KIF17: variants seen among roughly 807,000 people sequenced by gnomAD.
KIF17 encodes the protein kinesin family member 17.
KIF17 carries 80 observed loss-of-function variants against 96.8 expected under a neutral mutation model. That is an observed-to-expected ratio of 0.83 (90% CI 0.69 to 1.00). The LOEUF is 1.00. Ranked by LOEUF, KIF17 falls within the 50% of genes least tolerant of loss-of-function variation. KIF17 has a pLI of 0.00. For synonymous variants in KIF17, 567 were observed against 587.5 expected, an observed-to-expected ratio of 0.97 and a Z score of 0.51; for missense variants, 1,280 against 1,372.9, an observed-to-expected ratio of 0.93 and a Z score of 1.07.
intron 7 of KIF17, among the ~76,000 whole-genome samples, chr1:20,689,701 A>G (rs1010221751): frequency 1.3e-5 from 2 of 152,194 alleles, no homozygotes; most frequent in African/African-American, 2.4e-5. Context: ...ACCTCCAGAT[A>G]GGTAAACAGC....
chr1:20,692,352 T>TTC (rs1208370243), intron 6 of KIF17, among the ~76,000 whole-genome samples: 2 of 151,786 alleles, frequency 1.3e-5, no homozygotes, highest in Admixed American at 1.3e-4. Flanking sequence ...TTTTTTTTTT[T>TTC]CCTCTGGAGA....
At position 20,704,660 on chromosome 1, in the gene KIF17, T is replaced by C; in HGVS notation, c.910A>G (p.Thr304Ala). 1.2e-6 allele frequency: 2 copies of C among 1,614,114 alleles called. No individual in the cohort carries two copies. The highest frequency in any genetic ancestry group is 1.7e-5 in the Admixed American group (1 of 60,026). ...RLLQDSLGGN[T>A]KTLMVACLSP... ...AGGCAGGCCACCATGAGCGTCTTGGTGTTGCCGCCCAGTGAGTCCTGCAGC... is the reference window on the plus strand; with the variant it reads ...AGGCAGGCCACCATGAGCGTCTTGGCGTTGCCGCCCAGTGAGTCCTGCAGC... The change falls in exon 5 of 15, where the codon ACC becomes GCC. Residue 304 changes from threonine to alanine, a missense_variant. Physicochemically the swap from Thr to Ala is moderately conservative, Grantham distance 58. Coordinates refer to ENST00000400463, the MANE Select transcript of KIF17 (RefSeq NM_001122819.3). The surrounding 1 kb of genome is among the most constrained non-coding windows in gnomAD (Gnocchi z 6.8).
chr1:20,694,484 T>C (rs550630632), intron 6 of KIF17, among the ~76,000 whole-genome samples: 1 of 152,308 alleles, frequency 6.6e-6, no homozygotes, highest in East Asian at 1.9e-4. Flanking sequence ...GAATTAAAGA[T>C]AGTCTGGGAT....
At position 20,686,136 on chromosome 1, in the gene KIF17, A is replaced by G. The variant is rs2053934854; in HGVS notation, c.1939-10T>C. 3 of 1,562,370 alleles carry G rather than the reference A, an allele frequency of 1.9e-6. No homozygotes were observed. The highest frequency in any genetic ancestry group is 2.6e-6 in the Non-Finnish European group (3 of 1,152,682). ...CTGTCGGCGCAGGGACCTGGGAGGAAAGAGGGGATGGAGGAGAAAGAAGGC... is the reference window on the plus strand; with the variant it reads ...CTGTCGGCGCAGGGACCTGGGAGGAGAGAGGGGATGGAGGAGAAAGAAGGC... On this transcript the variant is annotated splice_polypyrimidine_tract_variant and intron_variant, in intron 8 of 14. Transcript: ENST00000400463.
At position 20,692,011 on chromosome 1, in the gene KIF17, CCTCT is replaced by C. The variant is rs1299792150; in HGVS notation, c.1234-1680_1234-1677del. 7.2e-5 allele frequency among the ~76,000 whole-genome samples: 11 copies of C among 152,326 alleles called. 1 individual carries two copies. Among genetic ancestry groups the C allele is most frequent in the Admixed American group, 5.9e-4 (9 of 15,292 alleles). ...ACCTCTGTTCTCACTCTGGCCCCAACCTCTCTCTGACACAGCCATAGTGCCCACC... is the reference window on the plus strand; with the variant it reads ...ACCTCTGTTCTCACTCTGGCCCCAACCTCTGACACAGCCATAGTGCCCACC... On this transcript the variant is annotated intron_variant, in intron 6 of 14. Transcript: ENST00000400463.
At position 20,670,420 on chromosome 1, in the gene KIF17, C is replaced by T. The variant is rs765511003; in HGVS notation, c.2790+1G>A. 1.1e-5 allele frequency: 18 copies of T among 1,613,712 alleles called. No individual in the cohort carries two copies. In the East Asian group the frequency reaches 2.7e-4, roughly 24 times the overall value. ...CCCACTCCCTCTCCCGCGGTCCTCA[C>T]CATGTTCGGCTCGCCATTGTCTGCT... On this transcript the variant is annotated splice_donor_variant, in intron 13 of 14. Transcript: ENST00000400463. LOFTEE classifies it high-confidence loss of function.
At chr1:20,697,388 T>A (rs602166) in intron 6 of KIF17, among the ~76,000 whole-genome samples, 1 of 151,866 alleles carries the variant, frequency 6.6e-6, no homozygotes, top group Admixed American at 6.6e-5. Context: ...TGGGAGGATC[T>A]CTTGAGCCCA....
chr1:20,695,244 G>A (rs772421171), intron 6 of KIF17, among the ~76,000 whole-genome samples: 2 of 152,030 alleles, frequency 1.3e-5, no homozygotes, highest in Non-Finnish European at 2.9e-5. Flanking sequence ...CTGGAGTGCA[G>A]TGGCGCCATC....
intron 4 of KIF17, among the ~76,000 whole-genome samples, chr1:20,705,844 A>C (rs950710448): frequency 3.5e-5 from 5 of 142,444 alleles, no homozygotes; most frequent in African/African-American, 1.3e-4. Context: ...ATACTGACAG[A>C]GCCGCTCTGG....
intron 1 of KIF17, among the ~76,000 whole-genome samples, chr1:20,715,843 G>A (rs894432611): frequency 6.6e-6 from 1 of 152,236 alleles, no homozygotes; most frequent in Non-Finnish European, 1.5e-5. Context: ...TGTGTGGATG[G>A]GGAAGAGCCT....
At position 20,698,694 on chromosome 1, in the gene KIF17, C is replaced by T. The variant is rs1019236554; in HGVS notation, c.1124-206G>A. On this transcript the variant is annotated intron_variant, in intron 5 of 14. Transcript: ENST00000400463. Reference sequence around the variant, plus strand: ...CTCGATGTTCCAGACTCTGAGGATGCGGCATTGAACAAAGACAAAAACTCC... The same window carrying T: ...CTCGATGTTCCAGACTCTGAGGATGTGGCATTGAACAAAGACAAAAACTCC... 7.2e-5 allele frequency among the ~76,000 whole-genome samples: 11 copies of T among 152,144 alleles called. 1 individual carries two copies. The highest frequency in any genetic ancestry group is 1.3e-4 in the Admixed American group (2 of 15,274).
intron 10 of KIF17, 77 bp downstream of exon 10, chr1:20,684,731 AC>A (rs1033174073): frequency 2.1e-5 from 29 of 1,398,912 alleles, no homozygotes; most frequent in South Asian, 7.4e-5. Context: ...AAGCTATGGC[AC>A]CCCCGCCTCC....
In KIF17 at chr1:20,705,893, C is replaced by CTTTTTTTTT. The variant is rs747719983; in HGVS notation, c.671-1003_671-995dup. On this transcript the variant is annotated intron_variant, in intron 4 of 14. Coordinates refer to ENST00000400463, the MANE Select transcript of KIF17 (RefSeq NM_001122819.3). Reference sequence around the variant, plus strand: ...GTCTATAATCCTCAGTAGGATGTCTCTTTTTTTTTTTTTTTTTTTTTTTTT... The same window carrying CTTTTTTTTT: ...GTCTATAATCCTCAGTAGGATGTCTCTTTTTTTTTTTTTTTTTTTTTTTTTTTTTTTTTT... Among the ~76,000 whole-genome samples the CTTTTTTTTT allele has an allele frequency of 8.0e-4, 43 of 53,562 alleles. 4 individuals carry two copies. The highest frequency in any genetic ancestry group is 1.0e-3 in the Non-Finnish European group (29 of 28,138). The allele number at this position is 53,562 out of a possible 152,430, so 35.1% of individuals were successfully genotyped here.
At chr1:20,684,776 G>A (rs748696484) in intron 10 of KIF17, 33 bp downstream of exon 10, 26 of 1,540,728 alleles carry the variant, frequency 1.7e-5, no homozygotes, top group Non-Finnish European at 3.5e-6. Context: ...ACCTCACCGT[G>A]GGGTCCCGCC....
intron 4 of KIF17, among the ~76,000 whole-genome samples, chr1:20,706,880 T>C: frequency 8.3e-6 from 1 of 120,082 alleles, no homozygotes; most frequent in African/African-American, 3.0e-5. Context: ...CAAAATAAAA[T>C]CCTGTCTCAA....
intron 13 of KIF17, among the ~76,000 whole-genome samples, chr1:20,668,309 C>CAA (rs796403922): frequency 1.5e-5 from 2 of 134,720 alleles, no homozygotes; most frequent in Non-Finnish European, 1.6e-5. Flanking sequence ...GACTCCGTCT[C>CAA]AAAAAAAAAA....
At position 20,703,158 on chromosome 1, in the gene KIF17, A is replaced by T. The variant is rs762684492; in HGVS notation, c.1123+1289T>A. On this transcript the variant is annotated intron_variant, in intron 5 of 14. Coordinates refer to ENST00000400463, the MANE Select transcript of KIF17 (RefSeq NM_001122819.3). ...ATGGGTAGGTGGGTAGATAGAAGGA[A>T]GGATGGAGATGGATGGATGAATGGA... Among the ~76,000 whole-genome samples, 1,079 of 132,946 alleles carry T rather than the reference A, an allele frequency of 8.1e-3. 10 individuals are homozygous for T. The highest frequency in any genetic ancestry group is 0.013 in the Non-Finnish European group (835 of 62,760). 87.2% of individuals were successfully genotyped at this position (132,946 alleles called of 152,430 possible).
At chr1:20,705,819 A>G (rs1255346024) in intron 4 of KIF17, among the ~76,000 whole-genome samples, 3 of 151,444 alleles carry the variant, frequency 2.0e-5, no homozygotes, top group Non-Finnish European at 4.4e-5. Flanking sequence ...ACCTGTATAT[A>G]AACTGTGAAC....
Position 20,713,492 on chromosome 1 carries a change from G to C in KIF17, c.442C>G (p.Arg148Gly), listed in dbSNP as rs114164909. Reference sequence around the variant, plus strand: ...TTGGTGTCAGCCCCAAGGAGGTCCCGGACATCTTCATTGTAGATCTCCAGG... The same window carrying C: ...TTGGTGTCAGCCCCAAGGAGGTCCCCGACATCTTCATTGTAGATCTCCAGG... ...SYLEIYNEDV[R>G]DLLGADTKQK... The change falls in exon 3 of 15, where the codon CGG becomes GGG. Residue 148 changes from arginine to glycine, a missense_variant. Arg to Gly is a moderately radical substitution (Grantham distance 125). Coordinates refer to ENST00000400463, the MANE Select transcript of KIF17 (RefSeq NM_001122819.3). The C allele has an allele frequency of 2.0e-5, 33 of 1,612,910 alleles. No homozygotes were observed. The highest frequency in any genetic ancestry group is 2.7e-5 in the Non-Finnish European group (32 of 1,179,814).
Sources: allele counts gnomAD v4.1 joint callset (sites outside exome capture counted in the v4.1 genomes callset), GRCh38; gene constraint gnomAD v4.1.1; non-coding constraint Gnocchi (gnomAD v3.1); transcripts MANE v1.5; gene names NCBI Gene and HGNC (gene_info 2026-07-23, HGNC 2026-07-21).